The following LRP5 variants were observed in gnomAD, a reference collection of about 807,000 sequenced individuals.
LRP5 encodes the protein LDL receptor related protein 5.
A neutral mutation model predicts 154.1 loss-of-function variants in LRP5; 62 were observed. That is an observed-to-expected ratio of 0.40 (90% confidence interval 0.33 to 0.50). The LOEUF is 0.50. Ranked by LOEUF, LRP5 falls within the 20% of genes least tolerant of loss-of-function variation. The pLI is 0.55. For missense variants in LRP5, 1,915 were observed against 2,336.7 expected, an observed-to-expected ratio of 0.82 and a Z score of 3.72; for synonymous variants, 966 against 1,011.5, an observed-to-expected ratio of 0.96 and a Z score of 0.85.
intron 5 of LRP5, among the ~76,000 whole-genome samples, chr11:68,373,680 C>G (rs562091298): frequency 3.8e-4 from 58 of 152,344 alleles, no homozygotes; most frequent in African/African-American, 1.2e-3. Flanking sequence ...TCCACACAGC[C>G]CCAGGACCAA....
Position 68,376,644 on chromosome 11 carries a change from G to A in LRP5, c.1016-9672G>A, listed in dbSNP as rs533754500. ...TACCGGGGTGGCCTTGCGGAGGGGC[G>A]CAGCCATGCGTCAGGCTGGAGCCAG... On this transcript the variant is annotated intron_variant, in intron 5 of 22. Coordinates refer to ENST00000294304, the MANE Select transcript of LRP5 (RefSeq NM_002335.4). Among the ~76,000 whole-genome samples, 15 of 152,350 alleles carry A rather than the reference G, an allele frequency of 9.8e-5. No homozygotes were observed. In the East Asian group the frequency reaches 2.5e-3, roughly 26 times the overall value.
chr11:68,322,072 A>G (rs1456365543), intron 1 of LRP5, among the ~76,000 whole-genome samples: 1 of 152,162 alleles, frequency 6.6e-6, no homozygotes, highest in African/African-American at 2.4e-5. Context: ...GGTAAAGGCC[A>G]TTTCTCCAAA....
rs2098653788 is a variant in LRP5, at chr11:68,403,464, T to C, written c.1585-19T>C. The C allele has an allele frequency of 6.2e-7, 1 of 1,611,448 alleles. No individual in the cohort carries two copies. Among genetic ancestry groups the C allele is most frequent in the South Asian group, 1.1e-5 (1 of 91,020 alleles). On this transcript the variant is annotated intron_variant, in intron 7 of 22. Coordinates refer to ENST00000294304, the MANE Select transcript of LRP5 (RefSeq NM_002335.4). ...TGTGGCCCTGGCCCATCCAGACCTA[T>C]ATTTCTGCCGTCCTGCAGGTGATCA...
intron 7 of LRP5, among the ~76,000 whole-genome samples, chr11:68,394,389 G>A (rs968877215): frequency 1.3e-4 from 19 of 151,542 alleles, no homozygotes; most frequent in African/African-American, 4.6e-4. Context: ...CAGGGGGGTC[G>A]CAGGAGCTCA....
chr11:68,379,003 C>T (rs1482488260), intron 5 of LRP5, among the ~76,000 whole-genome samples: 3 of 151,628 alleles, frequency 2.0e-5, no homozygotes, highest in Admixed American at 6.6e-5. Flanking sequence ...GCCAGGATCA[C>T]GCCACTGCAC....
chr11:68,337,443 C>T (rs575693851), intron 1 of LRP5, among the ~76,000 whole-genome samples: 2 of 152,300 alleles, frequency 1.3e-5, no homozygotes, highest in Admixed American at 1.3e-4. Flanking sequence ...AATTAAGTAA[C>T]TTGAGTGCGT....
chr11:68,336,332 C>T (rs1186039123), intron 1 of LRP5, among the ~76,000 whole-genome samples: 2 of 152,216 alleles, frequency 1.3e-5, no homozygotes, highest in Non-Finnish European at 2.9e-5. Context: ...ATGTTGTGTA[C>T]ATGCCTTAGC....
rs1172567337 is a variant in LRP5, at chr11:68,423,638, G to C, written c.3177G>C (p.Gly1059=). ...NVHRLSGEAM[G]VVLRGDRDKP... is the part of the protein sequence containing the mutation. The stretch of plus-strand genomic sequence containing the variant: ...ACAGGCTGAGCGGGGAAGCCATGGG[G>C]GTGGTGCTGCGTGGGGACCGCGACA... Residue 1059 remains glycine (G), a synonymous_variant, in exon 14 of 23, where the codon GGG becomes GGC. Transcript: ENST00000294304. This position sits in a 1 kb window ranked among gnomAD's most constrained non-coding sequence, Gnocchi z 4.7. The C allele has an allele frequency of 6.2e-7, 1 of 1,614,154 alleles. No individual in the cohort carries two copies.
At chr11:68,394,317 G>C (rs191608395) in intron 7 of LRP5, among the ~76,000 whole-genome samples, 1 of 152,262 alleles carries the variant, frequency 6.6e-6, no homozygotes, top group East Asian at 1.9e-4. Flanking sequence ...GACTCAGAGG[G>C]TCTGGCAAAG....
chr11:68,322,295 G>A (rs141361765), intron 1 of LRP5, among the ~76,000 whole-genome samples: 13 of 152,308 alleles, frequency 8.5e-5, no homozygotes, highest in Non-Finnish European at 8.8e-5. Flanking sequence ...AGGCCCTGCG[G>A]TGCATATTCA....
chr11:68,306,197 G>A, the LRP5 span, among the ~76,000 whole-genome samples: 19 of 151,828 alleles, frequency 1.3e-4, no homozygotes, highest in Non-Finnish European at 2.1e-4. Context: ...GTGCAGTGGC[G>A]CGATCTTGGC....
intron 4 of LRP5, among the ~76,000 whole-genome samples, chr11:68,364,322 GTA>G (rs147870595): frequency 3.1e-4 from 47 of 150,628 alleles, no homozygotes; most frequent in African/African-American, 1.0e-3. Context: ...ACGTATGTGT[GTA>G]TATATATATA....
Position 68,413,811 on chromosome 11 carries a change from G to T in LRP5, c.2626G>T (p.Gly876Cys), listed in dbSNP as rs1473893176. The part of the protein sequence containing the change: ...HSIERADKTS[G>C]RNRTLIQGHL... The stretch of plus-strand genomic sequence containing the variant: ...CATTGAGCGGGCCGACAAGACTAGC[G>T]GCCGGAACCGCACCCTCATCCAGGG... Residue 876 changes from glycine to cysteine, a missense_variant, in exon 12 of 23, where the codon GGC (glycine) becomes TGC (cysteine). Gly to Cys is a radical substitution (Grantham distance 159). This residue lies in a region of LRP5 where 1,094 missense variants were observed against 1,210.1 expected (regional missense o/e 0.90). Coordinates refer to ENST00000294304, the MANE Select transcript of LRP5 (RefSeq NM_002335.4). The surrounding 1 kb of genome is among the most constrained non-coding windows in gnomAD (Gnocchi z 5.1). 1 of 1,613,644 alleles carries T rather than the reference G, an allele frequency of 6.2e-7. No homozygotes were observed. Among genetic ancestry groups the T allele is most frequent in the Admixed American group, 1.7e-5 (1 of 60,026 alleles).
chr11:68,443,768 C>A (rs2098679947), intron 21 of LRP5, among the ~76,000 whole-genome samples: 1 of 150,440 alleles, frequency 6.6e-6, no homozygotes, highest in African/African-American at 2.4e-5. Context: ...GAGTGATTCT[C>A]CTGCCTTACC....
intron 8 of LRP5, 116 bp downstream of exon 8, chr11:68,403,815 G>A: frequency 2.4e-6 from 3 of 1,244,600 alleles, no homozygotes; most frequent in Non-Finnish European, 3.4e-6. Flanking sequence ...CTGGGGAAGG[G>A]CAGGACAGGA....
chr11:68,436,373 C>G (rs887469733), intron 18 of LRP5, among the ~76,000 whole-genome samples: 1 of 152,134 alleles, frequency 6.6e-6, no homozygotes, highest in African/African-American at 2.4e-5. Context: ...CCCTGGCTTG[C>G]TCTTCCTCCC....
At chr11:68,350,909 C>T (rs200363505) in intron 2 of LRP5, among the ~76,000 whole-genome samples, 4 of 151,616 alleles carry the variant, frequency 2.6e-5, no homozygotes, top group Admixed American at 6.6e-5. Context: ...TGTGTGTGTG[C>T]GTGTGCACGC....
chr11:68,358,803 G>T (rs1243682845), intron 3 of LRP5, among the ~76,000 whole-genome samples: 1 of 152,222 alleles, frequency 6.6e-6, no homozygotes, highest in Non-Finnish European at 1.5e-5. Flanking sequence ...CAGGTGAAGG[G>T]CAGTTTATTC....
intron 6 of LRP5, among the ~76,000 whole-genome samples, chr11:68,387,088 T>C (rs902379108): frequency 2.0e-5 from 3 of 151,706 alleles, no homozygotes; most frequent in African/African-American, 7.3e-5. Flanking sequence ...TCTGTGACAC[T>C]GACCACAGTA....
Sources: gnomAD v4.1 joint callset for allele counts (sites outside exome capture counted in the v4.1 genomes callset) on GRCh38, gnomAD v4.1.1 for gene constraint, gnomAD v4.1.1 regional missense constraint, Gnocchi (gnomAD v3.1) non-coding constraint, MANE v1.5 for transcripts, NCBI Gene and HGNC (gene_info 2026-07-23, HGNC 2026-07-21) for gene names.